SULT2B1: variants seen among roughly 807,000 people sequenced by gnomAD.
SULT2B1 encodes sulfotransferase family 2B member 1, also known as sulfotransferase 2B1.
A neutral mutation model predicts 33.2 loss-of-function variants in SULT2B1; 16 were observed. That is an observed-to-expected ratio of 0.48 (90% CI 0.33 to 0.73). The LOEUF (loss-of-function observed/expected upper bound fraction) is 0.73, where lower values mean the gene tolerates loss of function less well. Among genes scored for constraint, SULT2B1 ranks in the 30% least tolerant of loss-of-function variants. The pLI, the probability that SULT2B1 is intolerant of heterozygous loss-of-function variation, is 0.02. For missense variants in SULT2B1, 500 were observed against 506.0 expected (o/e 0.99, Z 0.11); for synonymous variants, 186 against 200.5 (o/e 0.93, Z 0.61).
chr19:48,563,293 T>G (rs980529982), intron 1 of SULT2B1, among the ~76,000 whole-genome samples: 6 of 152,124 alleles, frequency 3.9e-5, no homozygotes, highest in Admixed American at 1.3e-4. Context: ...ACCTAGCAAT[T>G]CTGTTCCTAG....
chr19:48,561,430 A>G (rs1973177277), intron 1 of SULT2B1, among the ~76,000 whole-genome samples: 1 of 151,050 alleles, frequency 6.6e-6, no homozygotes, highest in Admixed American at 6.6e-5. Context: ...ACACTGTCTC[A>G]AAATAAATAA....
At chr19:48,576,145 C>T in intron 2 of SULT2B1, 62 bp downstream of exon 2, 2 of 1,409,162 alleles carry the variant, frequency 1.4e-6, no homozygotes, top group Admixed American at 3.5e-5. Context: ...CGGCAGAGGA[C>T]AGGAAAGGCA....
intron 1 of SULT2B1, among the ~76,000 whole-genome samples, chr19:48,558,679 CTTTTTTTTTT>C (rs869189397): frequency 5.7e-5 from 6 of 106,178 alleles, no homozygotes; most frequent in Non-Finnish European, 1.1e-4. Flanking sequence ...CTTTTCTTTT[CTTTTTTTTTT>C]TTTTTTTTTT....
intron 1 of SULT2B1, among the ~76,000 whole-genome samples, chr19:48,564,008 C>T (rs1475452467): frequency 6.6e-6 from 1 of 150,616 alleles, no homozygotes; most frequent in Non-Finnish European, 1.5e-5. Context: ...GAAGACTGGG[C>T]TGAGGTGGGT....
chr19:48,576,351 C>T (rs1486858495), intron 2 of SULT2B1, among the ~76,000 whole-genome samples: 5 of 31,896 alleles, frequency 1.6e-4, no homozygotes, highest in African/African-American at 3.5e-4. Context: ...CCTTTACCCT[C>T]TACTTCTCTT....
At chr19:48,558,493 C>A (rs1424120004) in intron 1 of SULT2B1, among the ~76,000 whole-genome samples, 1 of 152,070 alleles carries the variant, frequency 6.6e-6, no homozygotes, top group Admixed American at 6.6e-5. Context: ...GCGCTCTGAT[C>A]TCGGGAGTCC....
chr19:48,575,052 T>C (rs1973385146), intron 1 of SULT2B1, among the ~76,000 whole-genome samples: 1 of 151,644 alleles, frequency 6.6e-6, no homozygotes, highest in Non-Finnish European at 1.5e-5. Context: ...ATAATAATTT[T>C]AACTCAAAGT....
At chr19:48,555,549 CCTCTCTCTCTCTCTCTCTCTCT>C (rs142655043) in intron 1 of SULT2B1, among the ~76,000 whole-genome samples, 1 of 124,114 alleles carries the variant, frequency 8.1e-6, no homozygotes, top group Non-Finnish European at 1.6e-5. Flanking sequence ...CCAGAGACAT[CCTCTCTCTCTCTCTCTCTCTCT>C]CTCTCTCTCT....
At chr19:48,591,483 G>C in intron 3 of SULT2B1, 126 bp from the exon 4 acceptor site, 1 of 1,092,976 alleles carries the variant, frequency 9.1e-7, no homozygotes, top group Non-Finnish European at 1.2e-6. Context: ...AAAAAAAAAA[G>C]AGTCTGCCCT....
chr19:48,557,084 T>TA (rs1464037055), intron 1 of SULT2B1, among the ~76,000 whole-genome samples: 3 of 151,902 alleles, frequency 2.0e-5, no homozygotes, highest in Non-Finnish European at 4.4e-5. Context: ...ACCCCGTCTC[T>TA]AAAAAAATAA....
intron 1 of SULT2B1, among the ~76,000 whole-genome samples, chr19:48,553,261 A>G (rs910823830): frequency 2.6e-5 from 4 of 152,096 alleles, no homozygotes; most frequent in African/African-American, 7.2e-5. Flanking sequence ...GTGAGGAGGG[A>G]GACAACCAAG....
At chr19:48,564,012 G>A (rs1973212291) in intron 1 of SULT2B1, among the ~76,000 whole-genome samples, 2 of 151,412 alleles carry the variant, frequency 1.3e-5, no homozygotes, top group Admixed American at 1.3e-4. Context: ...ACTGGGCTGA[G>A]GTGGGTTGAT....
chr19:48,576,478 T>C lies in SULT2B1; in HGVS notation c.214+395T>C, dbSNP rs1489363406. Among the ~76,000 whole-genome samples, 15 of 147,638 alleles carry C rather than the reference T, an allele frequency of 1.0e-4. 1 individual carries two copies. The Admixed American group carries it at 1.0e-3, about 10-fold the overall frequency. The stretch of plus-strand genomic sequence containing the variant: ...TCCCAAAGTGCTGGGATTACAGGCG[T>C]GAACCACCACACCTGACCATTTTTA... On this transcript the variant is annotated intron_variant, in intron 2 of 6. Coordinates refer to ENST00000201586, the MANE Select transcript of SULT2B1 (RefSeq NM_177973.2).
chr19:48,566,846 A>T (rs1457361663), intron 1 of SULT2B1, among the ~76,000 whole-genome samples: 1 of 151,982 alleles, frequency 6.6e-6, no homozygotes, highest in Non-Finnish European at 1.5e-5. Flanking sequence ...TGTCAAAAAA[A>T]AAAAAAATTA....
intron 1 of SULT2B1, among the ~76,000 whole-genome samples, chr19:48,573,178 A>T (rs905684491): frequency 9.5e-5 from 14 of 148,106 alleles, no homozygotes; most frequent in Middle Eastern, 3.5e-3. Flanking sequence ...AAAAAAATTT[A>T]CATGTCCAGG....
At chr19:48,578,250 T>C (rs1035812348) in intron 2 of SULT2B1, among the ~76,000 whole-genome samples, 14 of 152,016 alleles carry the variant, frequency 9.2e-5, no homozygotes, top group African/African-American at 3.1e-4. Context: ...GACTTTGCCA[T>C]GTGCGTGGAG....
rs745856982 is a variant in SULT2B1, at chr19:48,599,286, G to T, written c.978G>T (p.Glu326Asp). Reference protein sequence around the residue: ...DGSPDPEPSPEPEPKPSLEPN... With the variant: ...DGSPDPEPSPDPEPKPSLEPN... ...GCCCAGATCCTGAGCCCAGCCCTGA[G>T]CCTGAGCCCAAGCCCAGCCTTGAGC... Residue 326 changes from glutamate to aspartate, a missense_variant, in exon 7 of 7, where the codon GAG becomes GAT. By Grantham distance (45) the Glu-to-Asp change is conservative (BLOSUM62 2). Transcript: ENST00000201586. The surrounding 1 kb of genome is among the most constrained non-coding windows in gnomAD (Gnocchi z 4.1). 3.1e-6 allele frequency: 5 copies of T among 1,610,638 alleles called. No homozygotes were observed. In the Admixed American group the frequency reaches 5.0e-5, roughly 16 times the overall value.
At chr19:48,579,917 G>GTTCTTGTT (rs1349594974) in intron 2 of SULT2B1, among the ~76,000 whole-genome samples, 2 of 151,456 alleles carry the variant, frequency 1.3e-5, no homozygotes, top group African/African-American at 4.8e-5. Context: ...TTGCATGCAA[G>GTTCTTGTT]TTCTTGTTTC....
rs1973040838 is a variant in SULT2B1 at position 48,552,329 on chromosome 19, GC to G, written c.71+9del. 6.2e-7 allele frequency: 1 copy of G among 1,613,816 alleles called. No homozygotes were observed. Among genetic ancestry groups the G allele is most frequent in the Non-Finnish European group, 8.5e-7 (1 of 1,179,868 alleles). On this transcript the variant is annotated splice_region_variant and intron_variant, in intron 1 of 6. Transcript: ENST00000201586. The surrounding 1 kb of genome is among the most constrained non-coding windows in gnomAD (Gnocchi z 4.8). The stretch of plus-strand genomic sequence containing the variant: ...GATGACATCTCGGAAATCAGGTGAG[GC>G]CCAGACCTGGGCAGGAGCCAGGAGA...
Sources: allele counts gnomAD v4.1 joint callset (sites outside exome capture counted in the v4.1 genomes callset), GRCh38; gene constraint gnomAD v4.1.1; non-coding constraint Gnocchi (gnomAD v3.1); transcripts MANE v1.5; gene names NCBI Gene and HGNC (gene_info 2026-07-23, HGNC 2026-07-21).